The following RAB5IF variants were observed in gnomAD, a reference collection of about 807,000 sequenced individuals.
RAB5IF encodes the protein RAB5 interacting factor, also known as GEL complex subunit OPTI.
A neutral mutation model predicts 20.3 loss-of-function variants in RAB5IF; 15 were observed. The ratio of observed to expected loss-of-function variants is 0.74; its 90% CI spans 0.50 to 1.14. RAB5IF has a LOEUF of 1.14. Ranked by LOEUF, RAB5IF falls within the 50% of genes most tolerant of loss-of-function variation. The probability of loss-of-function intolerance (pLI) is 0.00; values close to 1 mark genes in which losing one functional copy is unlikely to be tolerated. For synonymous variants in RAB5IF, 67 were observed against 63.7 expected (o/e 1.05, Z -0.25); for missense variants, 148 against 159.5 (o/e 0.93, Z 0.39).
intron 3 of RAB5IF, among the ~76,000 whole-genome samples, chr20:36,611,493 CAAAAAAAA>C (rs60975859): frequency 2.1e-5 from 1 of 46,522 alleles, no homozygotes; most frequent in African/African-American, 6.9e-5. Context: ...CAGCAGGACT[CAAAAAAAA>C]AAAAAAAAAA....
chr20:36,609,882 C>A, intron 3 of RAB5IF, 152 bp downstream of exon 3: 2 of 1,358,390 alleles, frequency 1.5e-6, no homozygotes, highest in South Asian at 1.2e-5. Context: ...TGTGTTGAGC[C>A]ACATCCCAGA....
In RAB5IF at chr20:36,612,008, A is replaced by T; in HGVS notation, c.349-2A>T. On this transcript the variant is annotated splice_acceptor_variant, in intron 3 of 3. Coordinates refer to ENST00000344795, the MANE Select transcript of RAB5IF (RefSeq NM_018840.5). LOFTEE classifies it high-confidence loss of function. ...TATGAACAGTGCTTGTCTCCTCACTAGGTCATTTGGATCATCTTTTACACT... is the reference window on the plus strand; with the variant it reads ...TATGAACAGTGCTTGTCTCCTCACTTGGTCATTTGGATCATCTTTTACACT... 1 of 1,614,096 alleles carries T rather than the reference A, an allele frequency of 6.2e-7. No homozygotes were observed.
intron 2 of RAB5IF, among the ~76,000 whole-genome samples, chr20:36,609,156 T>TACATACATACATACATACATAC: frequency 5.9e-5 from 1 of 17,052 alleles, no homozygotes; most frequent in Non-Finnish European, 1.1e-4. Flanking sequence ...AGAACTATAT[T>TACATACATACATACATACATAC]ACACACACAC....
At chr20:36,611,916 C>T in intron 3 of RAB5IF, 94 bp from the exon 4 acceptor site, 2 of 1,524,676 alleles carry the variant, frequency 1.3e-6, no homozygotes. Context: ...CTGGAGAGTG[C>T]CCCGTGTTTA....
At position 36,612,284 on chromosome 20, in the gene RAB5IF, TTTC is replaced by T; in HGVS notation, c.*239_*241del. 9 of 1,501,500 alleles carry T rather than the reference TTTC, an allele frequency of 6.0e-6. No homozygotes were observed. The highest frequency in any genetic ancestry group is 1.7e-5 in the Admixed American group (1 of 59,374). 93.0% of individuals were successfully genotyped at this position (1,501,500 alleles called of 1,614,324 possible). The stretch of plus-strand genomic sequence containing the variant: ...TTCTGAATTTATCCATCACCAACCA[TTTC>T]TTCTTGGATACCATCAAGTAACAGC... On this transcript the variant is annotated 3_prime_UTR_variant, in exon 4 of 4. Coordinates refer to ENST00000344795, the MANE Select transcript of RAB5IF (RefSeq NM_018840.5).
intron 2 of RAB5IF, chr20:36,608,104 A>T (rs946588773): frequency 3.7e-6 from 2 of 542,116 alleles, no homozygotes; most frequent in Non-Finnish European, 6.1e-6. Context: ...TGTTCGTGGC[A>T]TGCACTCTAG....
intron 3 of RAB5IF, 113 bp from the exon 4 acceptor site, chr20:36,611,897 G>A (rs973913949): frequency 1.8e-5 from 25 of 1,388,048 alleles, no homozygotes; most frequent in African/African-American, 1.0e-4. Flanking sequence ...ACTGTGCAAC[G>A]GATAGCCCCT....
In RAB5IF at chr20:36,612,394, TC is replaced by T; in HGVS notation, c.*345del. 1.5e-6 allele frequency: 1 copy of T among 663,306 alleles called. No homozygotes were observed. Among genetic ancestry groups the T allele is most frequent in the Non-Finnish European group, 2.6e-6 (1 of 383,932 alleles). 41.1% of individuals were successfully genotyped at this position (663,306 alleles called of 1,614,324 possible). ...AACATTAAATTGTCTTCCTCGATTC[TC>T]CATCGGGTGTAGAGTTTTTAAACTA... is the stretch of plus-strand genomic sequence containing the variant. On this transcript the variant is annotated 3_prime_UTR_variant, in exon 4 of 4. Transcript: ENST00000344795.
Position 36,605,820 on chromosome 20 carries a change from A to C in RAB5IF, c.-132A>C. On this transcript the variant is annotated 5_prime_UTR_variant, in exon 1 of 4. Coordinates refer to ENST00000344795, the MANE Select transcript of RAB5IF (RefSeq NM_018840.5). Reference sequence around the variant, plus strand: ...CGGGTAGCTTGGCCAGGTTGTGAGGAACCGCAGCGCGCCGCAGGACCGGGC... The same window carrying C: ...CGGGTAGCTTGGCCAGGTTGTGAGGCACCGCAGCGCGCCGCAGGACCGGGC... 2.2e-6 allele frequency: 1 copy of C among 452,718 alleles called. No individual in the cohort carries two copies. The highest frequency in any genetic ancestry group is 6.5e-5 in the South Asian group (1 of 15,400). 28.0% of individuals were successfully genotyped at this position (452,718 alleles called of 1,614,324 possible).
intron 1 of RAB5IF, 25 bp from the exon 2 acceptor site, chr20:36,607,690 C>T (rs373217585): frequency 6.2e-7 from 1 of 1,612,982 alleles, no homozygotes. Context: ...CCAGATAATT[C>T]TTGCATTTTC....
chr20:36,611,204 G>A lies in RAB5IF; in HGVS notation c.349-806G>A, dbSNP rs143306478. ...GGGGTTTCATCATGTTGGCCAGGCT[G>A]GTCTTGGAACTCCTGACCTCAGGTG... On this transcript the variant is annotated intron_variant, in intron 3 of 3. Coordinates refer to ENST00000344795, the MANE Select transcript of RAB5IF (RefSeq NM_018840.5). Among the ~76,000 whole-genome samples the A allele has an allele frequency of 1.9e-4, 29 of 152,132 alleles. No individual in the cohort carries two copies. The East Asian group carries it at 5.4e-3, about 28-fold the overall frequency.
At chr20:36,609,782 C>T (rs1401107250) in intron 3 of RAB5IF, 52 bp downstream of exon 3, 3 of 1,613,954 alleles carry the variant, frequency 1.9e-6, no homozygotes, top group South Asian at 1.1e-5. Flanking sequence ...CATGAGGTGT[C>T]ACTCACAGGA....
At chr20:36,611,816 G>A (rs902701284) in intron 3 of RAB5IF, among the ~76,000 whole-genome samples, 194 bp from the exon 4 acceptor site, 4 of 152,134 alleles carry the variant, frequency 2.6e-5, no homozygotes, top group African/African-American at 9.7e-5. Flanking sequence ...CTTTGCAAGT[G>A]CAGGAGGGCA....
At chr20:36,609,258 A>ACACACAC (rs1555790847) in intron 2 of RAB5IF, among the ~76,000 whole-genome samples, 6 of 99,150 alleles carry the variant, frequency 6.1e-5, no homozygotes, top group Admixed American at 2.1e-4. Flanking sequence ...CACACACACT[A>ACACACAC]TATATAGAGT....
chr20:36,609,633 T>C lies in RAB5IF; in HGVS notation c.251T>C (p.Leu84Pro), dbSNP rs759121251. ...FCLINAGVLY[L>P]YFSNYLQIDE... ...CTGATCAATGCAGGAGTCCTGTACC[T>C]CTACTTCAGCAATTACCTACAGATT... The change falls in exon 3 of 4, where the codon CTC (leucine) becomes CCC (proline). Residue 84 changes from leucine to proline, a missense_variant. Transcript: ENST00000344795. 1.2e-6 allele frequency: 2 copies of C among 1,612,080 alleles called. No individual in the cohort carries two copies.
intron 3 of RAB5IF, 181 bp downstream of exon 3, chr20:36,609,911 T>C (rs1040229213): frequency 9.4e-6 from 9 of 959,890 alleles, no homozygotes; most frequent in Non-Finnish European, 1.4e-5. Flanking sequence ...TCTGATATAC[T>C]GTACAGTCCC....
chr20:36,609,174 CA>C (rs2039018462), intron 2 of RAB5IF, among the ~76,000 whole-genome samples: 4 of 23,742 alleles, frequency 1.7e-4, no homozygotes, highest in South Asian at 1.6e-3. Context: ...CACACACACA[CA>C]CACACACACA....
intron 2 of RAB5IF, among the ~76,000 whole-genome samples, chr20:36,609,187 A>ACACACACACACACACG (rs2039022625): frequency 1.9e-5 from 1 of 52,728 alleles, no homozygotes; most frequent in Non-Finnish European, 3.7e-5. Context: ...ACACACACAC[A>ACACACACACACACACG]CACACACGCA....
chr20:36,609,187 ACACACACG>A (rs869091103), intron 2 of RAB5IF, among the ~76,000 whole-genome samples: 23 of 52,750 alleles, frequency 4.4e-4, no homozygotes, highest in Non-Finnish European at 7.4e-4. Context: ...ACACACACAC[ACACACACG>A]CACACACGCA....
Sources: allele counts gnomAD v4.1 joint callset (sites outside exome capture counted in the v4.1 genomes callset), GRCh38; gene constraint gnomAD v4.1.1; transcripts MANE v1.5; gene names NCBI Gene and HGNC (gene_info 2026-07-23, HGNC 2026-07-21).